The following PTPRS variants were observed in gnomAD, a reference collection of about 807,000 sequenced individuals.
PTPRS encodes the protein protein tyrosine phosphatase receptor type S, also known as receptor-type tyrosine-protein phosphatase S.
A neutral mutation model predicts 215.3 loss-of-function variants in PTPRS; 63 were observed. The ratio of observed to expected loss-of-function variants is 0.29; its 90% CI spans 0.24 to 0.36. PTPRS has a LOEUF of 0.36. PTPRS is among the 10% of genes least tolerant of loss of function. The probability of loss-of-function intolerance (pLI) is 1.00; values close to 1 mark genes in which losing one functional copy is unlikely to be tolerated. For synonymous variants in PTPRS, 1,404 were observed against 1,191.4 expected (o/e 1.18, Z -3.68); for missense variants, 2,258 against 2,825.8 (o/e 0.80, Z 4.56).
At chr19:5,317,037 T>C (rs1050996223) in intron 1 of PTPRS, among the ~76,000 whole-genome samples, 2 of 152,186 alleles carry the variant, frequency 1.3e-5, no homozygotes, top group African/African-American at 4.8e-5. Flanking sequence ...CACCCTCCCA[T>C]GGCCCAAACA....
intron 1 of PTPRS, among the ~76,000 whole-genome samples, chr19:5,328,736 C>T (rs1363861666): frequency 1.3e-5 from 2 of 151,932 alleles, no homozygotes; most frequent in Non-Finnish European, 2.9e-5. Flanking sequence ...TCAAGACCAG[C>T]CTGGCCAACA....
At chr19:5,219,592 G>A in intron 22 of PTPRS, 125 bp from the exon 23 acceptor site, 1 of 1,230,710 alleles carries the variant, frequency 8.1e-7, no homozygotes, top group Non-Finnish European at 1.1e-6. Flanking sequence ...CTAGAACCTT[G>A]ACCCTGGTGG....
At chr19:5,329,143 CAG>C (rs1360435921) in intron 1 of PTPRS, among the ~76,000 whole-genome samples, 2 of 151,950 alleles carry the variant, frequency 1.3e-5, no homozygotes, top group Non-Finnish European at 2.9e-5. Context: ...TGGCCAGAAA[CAG>C]AGCTCCCGGC....
chr19:5,262,475 T>A (rs2046077885), intron 6 of PTPRS, among the ~76,000 whole-genome samples: 2 of 152,188 alleles, frequency 1.3e-5, no homozygotes, highest in Admixed American at 1.3e-4. Context: ...TCAGGCTGAA[T>A]GCTGAGAAAA....
At chr19:5,275,462 C>T (rs981329900) in intron 2 of PTPRS, among the ~76,000 whole-genome samples, 1 of 151,256 alleles carries the variant, frequency 6.6e-6, no homozygotes, top group Admixed American at 6.6e-5. Flanking sequence ...TCTTGGCTCA[C>T]TGCAGCCTAG....
chr19:5,237,382 T>TC lies in PTPRS; in HGVS notation c.1849+1536dup, dbSNP rs1312474229. Among the ~76,000 whole-genome samples, 1 of 152,166 alleles carries TC rather than the reference T, an allele frequency of 6.6e-6. No homozygotes were observed. Among genetic ancestry groups the TC allele is most frequent in the Non-Finnish European group, 1.5e-5 (1 of 68,010 alleles). ...GGGGCAAGAAGCGGGGAGTCCCTTC[T>TC]CCCCAACTCCCTGTCCTGGGCCGCC... On this transcript the variant is annotated intron_variant, in intron 13 of 37. Coordinates refer to ENST00000262963, the MANE Select transcript of PTPRS (RefSeq NM_002850.4). This position sits in a 1 kb window ranked among gnomAD's most constrained non-coding sequence, Gnocchi z 4.2.
At position 5,292,012 on chromosome 19, in the gene PTPRS, C is replaced by T. The variant is rs1326310626; in HGVS notation, c.-94-5778G>A. Among the ~76,000 whole-genome samples the T allele has an allele frequency of 2.6e-5, 4 of 152,088 alleles. No homozygotes were observed. In the East Asian group the frequency reaches 7.7e-4, roughly 29 times the overall value. The stretch of plus-strand genomic sequence containing the variant: ...TCCTCATCAAATCTCAGCCCTCATA[C>T]TTGTCCTCAGGGCTCAGCTGAGCTG... On this transcript the variant is annotated intron_variant, in intron 1 of 37. Coordinates refer to ENST00000262963, the MANE Select transcript of PTPRS (RefSeq NM_002850.4).
chr19:5,318,202 G>T (rs2049930591), intron 1 of PTPRS, among the ~76,000 whole-genome samples: 1 of 151,702 alleles, frequency 6.6e-6, no homozygotes, highest in Non-Finnish European at 1.5e-5. Context: ...TTAGCCAAGT[G>T]TGGTGGCGCT....
chr19:5,214,723 A>C lies in PTPRS; in HGVS notation c.4332T>G (p.Ser1444Arg). 6.2e-7 allele frequency: 1 copy of C among 1,604,310 alleles called. No individual in the cohort carries two copies. The highest frequency in any genetic ancestry group is 8.5e-7 in the Non-Finnish European group (1 of 1,172,836). ...CCACGTAGTTGGCATTGATGTAATCACTGCCCATGATGCCTGCAGCCAGGG... is the reference window on the plus strand; with the variant it reads ...CCACGTAGTTGGCATTGATGTAATCCCTGCCCATGATGCCTGCAGCCAGGG... ...ILQPIEGIMG[S>R]DYINANYVDG... is the part of the protein sequence containing the mutation. The change falls in exon 29 of 38, where the codon AGT (serine) becomes AGG (arginine). Residue 1444 changes from serine (S) to arginine (R), a missense_variant. Transcript: ENST00000262963.
At chr19:5,209,950 C>CCCAACAGGGGACAAACT (rs1199914902) in intron 35 of PTPRS, among the ~76,000 whole-genome samples, 1 of 152,196 alleles carries the variant, frequency 6.6e-6, no homozygotes, top group East Asian at 1.9e-4. Flanking sequence ...AACTTTGATC[C>CCCAACAGGGGACAAACT]TTTGTCACCC....
In PTPRS at chr19:5,269,916, C is replaced by T. The variant is rs372035813; in HGVS notation, c.379+3526G>A. Among the ~76,000 whole-genome samples the T allele has an allele frequency of 1.3e-3, 121 of 93,372 alleles. 2 individuals are homozygous for T. The highest frequency in any genetic ancestry group is 4.9e-3 in the African/African-American group (113 of 23,288). The allele number at this position is 93,372 out of a possible 152,430, so 61.3% of individuals were successfully genotyped here. A position where few individuals can be genotyped will look rare whatever the true frequency, so the allele number is the denominator to read the frequency against. The stretch of plus-strand genomic sequence containing the variant: ...AGCCTGGGTAACAAGAGCAAAACTC[C>T]ATCTCAAAAAAAAAAAAAAAAAAAA... On this transcript the variant is annotated intron_variant, in intron 4 of 37. Transcript: ENST00000262963.
chr19:5,316,079 G>A (rs939967799), intron 1 of PTPRS, among the ~76,000 whole-genome samples: 6 of 149,978 alleles, frequency 4.0e-5, no homozygotes, highest in African/African-American at 1.5e-4. Flanking sequence ...CATCACACCT[G>A]GCTAATTTTT....
At chr19:5,243,800 C>A in intron 11 of PTPRS, 101 bp downstream of exon 11, 1 of 1,037,468 alleles carries the variant, frequency 9.6e-7, no homozygotes, top group Non-Finnish European at 1.3e-6. Context: ...TATCTTAAAG[C>A]ACCGTGCATA....
chr19:5,217,342 C>T (rs940690717), intron 25 of PTPRS, among the ~76,000 whole-genome samples: 5 of 152,224 alleles, frequency 3.3e-5, no homozygotes, highest in African/African-American at 1.2e-4. Context: ...CAGTTACATG[C>T]ACATTTAAAA....
intron 9 of PTPRS, among the ~76,000 whole-genome samples, chr19:5,253,902 C>T (rs2045350422): frequency 6.6e-6 from 1 of 152,174 alleles, no homozygotes; most frequent in African/African-American, 2.4e-5. Flanking sequence ...TTCACCTACC[C>T]TGTGATCAAG....
rs374875451 is a variant in PTPRS, at chr19:5,222,719, C to T, written c.3073G>A (p.Val1025Ile). The change falls in exon 18 of 38, where the codon GTC becomes ATC. Residue 1025 changes from valine to isoleucine, a missense_variant. Around this residue, in one of 6 missense-constraint regions of PTPRS, gnomAD observed 361 missense variants for 332.6 expected, o/e 1.09. Coordinates refer to ENST00000262963, the MANE Select transcript of PTPRS (RefSeq NM_002850.4). Reference protein sequence around the residue: ...RRGPGPFSPPVRYRTFLRDQV... With the variant: ...RRGPGPFSPPIRYRTFLRDQV... ...TCCCGCAGGAACGTCCGGTAGCGGA[C>T]GGGGGGGCTGAAGGGGCCAGGGCCC... 27 of 1,593,732 alleles carry T rather than the reference C, an allele frequency of 1.7e-5. No homozygotes were observed. The highest frequency in any genetic ancestry group is 5.5e-5 in the South Asian group (5 of 90,548).
chr19:5,340,427 GCCCCCA>G, intron 1 of PTPRS, among the ~76,000 whole-genome samples: 1 of 146,356 alleles, frequency 6.8e-6, no homozygotes, highest in African/African-American at 2.5e-5. Flanking sequence ...CCTGCCGAGC[GCCCCCA>G]GCGCGGCCCC....
intron 25 of PTPRS, among the ~76,000 whole-genome samples, chr19:5,218,172 G>C (rs564108694): frequency 2.5e-4 from 38 of 151,346 alleles, no homozygotes; most frequent in African/African-American, 8.5e-4. Context: ...CTCCTGAAGA[G>C]GACAGCAGCC....
rs369561381 is a variant in PTPRS, at chr19:5,205,695, C to T, written c.*1079G>A. Among the ~76,000 whole-genome samples the T allele has an allele frequency of 1.3e-5, 2 of 152,114 alleles. No homozygotes were observed. Among genetic ancestry groups the T allele is most frequent in the Non-Finnish European group, 2.9e-5 (2 of 68,026 alleles). On this transcript the variant is annotated 3_prime_UTR_variant, in exon 38 of 38. Transcript: ENST00000262963. The stretch of plus-strand genomic sequence containing the variant: ...GGGCCTGTCCTTCTGGTTTTGCTCC[C>T]AAACTGCCCCACAGTCCCAGGGGGA...
Sources: gnomAD v4.1 joint callset for allele counts (sites outside exome capture counted in the v4.1 genomes callset) on GRCh38, gnomAD v4.1.1 for gene constraint, gnomAD v4.1.1 regional missense constraint, Gnocchi (gnomAD v3.1) non-coding constraint, MANE v1.5 for transcripts, NCBI Gene and HGNC (gene_info 2026-07-23, HGNC 2026-07-21) for gene names.